KCNH6: variants seen among roughly 807,000 people sequenced by gnomAD.
The protein encoded by KCNH6 is potassium voltage-gated channel subfamily H member 6, also known as voltage-gated inwardly rectifying potassium channel KCNH6.
In KCNH6, 81 loss-of-function variants were observed where a neutral mutation model predicts 83.4. The observed-to-expected ratio is 0.97, with a 90% CI of 0.81 to 1.17. KCNH6 has a LOEUF of 1.17. Among genes scored for constraint, KCNH6 ranks in the 50% most tolerant of loss-of-function variants. The pLI, the probability that KCNH6 is intolerant of heterozygous loss-of-function variation, is 0.00. For synonymous variants in KCNH6, 503 were observed against 545.6 expected, an observed-to-expected ratio of 0.92 and a Z score of 1.09; for missense variants, 1,203 against 1,290.5, an observed-to-expected ratio of 0.93 and a Z score of 1.04.
At position 63,523,598 on chromosome 17, in the gene KCNH6, G is replaced by A. The variant is rs1394356648; in HGVS notation, c.76+109G>A. On this transcript the variant is annotated intron_variant, in intron 1 of 12. Coordinates refer to ENST00000314672, the MANE Select transcript of KCNH6 (RefSeq NM_001278919.2). The surrounding 1 kb of genome is among the most constrained non-coding windows in gnomAD (Gnocchi z 4.2). ...TAACCGGGCAAGGTGGTGAGTGCCG[G>A]GTGCTGAATGAAAAATCCTTCTTTT... 5.2e-5 allele frequency: 50 copies of A among 956,372 alleles called. 1 individual carries two copies. In the South Asian group the frequency reaches 5.4e-4, roughly 10 times the overall value. The allele number at this position is 956,372 out of a possible 1,614,324, so 59.2% of individuals were successfully genotyped here. A position where few individuals can be genotyped will look rare whatever the true frequency, so the allele number is the denominator to read the frequency against.
intron 2 of KCNH6, among the ~76,000 whole-genome samples, chr17:63,526,733 A>G (rs1338133256): frequency 2.0e-5 from 3 of 152,048 alleles, no homozygotes; most frequent in Non-Finnish European, 2.9e-5. Flanking sequence ...TAGCTGATTT[A>G]TGTATAATCC....
At chr17:63,540,968 C>T (rs191991783) in intron 8 of KCNH6, among the ~76,000 whole-genome samples, 1 of 152,216 alleles carries the variant, frequency 6.6e-6, no homozygotes, top group Non-Finnish European at 1.5e-5. Flanking sequence ...CTGTAAGCCC[C>T]CTCCTCTCTG....
Position 63,546,224 on chromosome 17 carries a change from AG to A in KCNH6, c.*323del, listed in dbSNP as rs2033140949. On this transcript the variant is annotated 3_prime_UTR_variant, in exon 13 of 13. Transcript: ENST00000314672. ...CACTGCACTCCAGCCTGGGTGACAG[AG>A]TGAGACTCCAACTCAAAAAAAAAAA... is the stretch of plus-strand genomic sequence containing the variant. 1 of 160,832 alleles carries A rather than the reference AG, an allele frequency of 6.2e-6. No individual in the cohort carries two copies. The allele number at this position is 160,832 out of a possible 1,614,324, so 10.0% of individuals were successfully genotyped here. A position where few individuals can be genotyped will look rare whatever the true frequency, so the allele number is the denominator to read the frequency against.
Position 63,545,112 on chromosome 17 carries a change from A to T in KCNH6, c.2431A>T (p.Ile811Phe). The change falls in exon 12 of 13, where the codon ATC becomes TTC. Residue 811 changes from isoleucine to phenylalanine, a missense_variant. Coordinates refer to ENST00000314672, the MANE Select transcript of KCNH6 (RefSeq NM_001278919.2). The part of the protein sequence containing the change: ...ESRVSSDLSR[I>F]LQLLQKPMPQ... ...CCGCGTGTCCTCAGACCTCAGCCGC[A>T]TCTTGCAGCTCCTCCAGAAGCCCAT... 6.2e-7 allele frequency: 1 copy of T among 1,613,692 alleles called. No individual in the cohort carries two copies. Among genetic ancestry groups the T allele is most frequent in the Non-Finnish European group, 8.5e-7 (1 of 1,180,006 alleles).
At chr17:63,530,048 C>A in intron 2 of KCNH6, 43 bp from the exon 3 acceptor site, 1 of 1,602,066 alleles carries the variant, frequency 6.2e-7, no homozygotes, top group Non-Finnish European at 8.5e-7. Context: ...CAGGAGGGGA[C>A]CCCTTCAGGG....
At chr17:63,544,170 G>C (rs765103295) in intron 10 of KCNH6, 79 bp from the exon 11 acceptor site, 1 of 1,601,768 alleles carries the variant, frequency 6.2e-7, no homozygotes, top group South Asian at 1.1e-5. Flanking sequence ...GGTAGGGGGT[G>C]GGGGACAGGC....
downstream of KCNH6, among the ~76,000 whole-genome samples, chr17:63,548,278 G>T (rs2033186256): frequency 6.6e-6 from 1 of 151,940 alleles, no homozygotes; most frequent in Non-Finnish European, 1.5e-5. Context: ...AAAAAAAGTA[G>T]GTCGGTCATG....
chr17:63,537,857 A>G (rs893466813), intron 6 of KCNH6, among the ~76,000 whole-genome samples: 5 of 152,234 alleles, frequency 3.3e-5, no homozygotes, highest in African/African-American at 1.2e-4. Flanking sequence ...GTAAGATGCC[A>G]AGAGGCACAG....
At chr17:63,547,993 C>A (rs2033181105), downstream of KCNH6, among the ~76,000 whole-genome samples, 1 of 150,112 alleles carries the variant, frequency 6.7e-6, no homozygotes, top group African/African-American at 2.5e-5. Context: ...TGGCTGGGCG[C>A]AGTGGCTCAC....
At chr17:63,536,132 G>A (rs922104550) in intron 6 of KCNH6, 64 bp downstream of exon 6, 11 of 1,429,754 alleles carry the variant, frequency 7.7e-6, no homozygotes, top group South Asian at 1.2e-5. Context: ...AATTTTATGT[G>A]TAGTTTTGTA....
chr17:63,542,263 A>G lies in KCNH6; in HGVS notation c.1977A>G (p.Glu659=). 1 of 1,613,842 alleles carries G rather than the reference A, an allele frequency of 6.2e-7. No homozygotes were observed. The highest frequency in any genetic ancestry group is 8.5e-7 in the Non-Finnish European group (1 of 1,179,910). ...AILGKNDIFG[E]PVSLHAQPGK... ...CAGGAAAGAATGACATCTTTGGGGA[A>G]CCCGTCAGCCTCCATGCCCAGCCAG... The change falls in exon 9 of 13, where the codon GAA becomes GAG. Residue 659 remains glutamate (E), a synonymous_variant. Coordinates refer to ENST00000314672, the MANE Select transcript of KCNH6 (RefSeq NM_001278919.2).
At chr17:63,539,550 C>G (rs1034850873) in intron 8 of KCNH6, among the ~76,000 whole-genome samples, 1 of 152,218 alleles carries the variant, frequency 6.6e-6, no homozygotes, top group Non-Finnish European at 1.5e-5. Context: ...CTCAATGTAT[C>G]CCAACCTGAA....
At chr17:63,526,502 G>A (rs995431814) in intron 2 of KCNH6, among the ~76,000 whole-genome samples, 5 of 150,992 alleles carry the variant, frequency 3.3e-5, no homozygotes, top group Admixed American at 2.0e-4. Flanking sequence ...GACTACAGGC[G>A]CGCACCCTCA....
chr17:63,534,196 A>G lies in KCNH6; in HGVS notation c.986A>G (p.Glu329Gly), dbSNP rs776617092. The G allele has an allele frequency of 1.9e-6, 3 of 1,613,738 alleles. No individual in the cohort carries two copies. Among genetic ancestry groups the G allele is most frequent in the Non-Finnish European group, 2.5e-6 (3 of 1,179,930 alleles). Residue 329 changes from glutamate to glycine, a missense_variant, in exon 5 of 13, where the codon GAG becomes GGG. By Grantham distance (98) the Glu-to-Gly change is moderately conservative. Transcript: ENST00000314672. This position sits in a 1 kb window ranked among gnomAD's most constrained non-coding sequence, Gnocchi z 5.0. ...FRTTYVNTND[E>G]VVSHPRRIAV... ...ACCACCTATGTCAACACCAATGATG[A>G]GGTGGTCAGCCACCCCCGCCGCATC...
chr17:63,543,679 C>T lies in KCNH6; in HGVS notation c.2233+19C>T, dbSNP rs1568088241. The T allele has an allele frequency of 6.6e-7, 1 of 1,518,858 alleles. No homozygotes were observed. The highest frequency in any genetic ancestry group is 9.1e-7 in the Non-Finnish European group (1 of 1,094,406). The allele number at this position is 1,518,858 out of a possible 1,614,324, so 94.1% of individuals were successfully genotyped here. A position where few individuals can be genotyped will look rare whatever the true frequency, so the allele number is the denominator to read the frequency against. ...CAGTCAGGTGAGCAAAGCCAGCCCC[C>T]ACCCCCACCAGCCTGTAGCCCCTGC... is the stretch of plus-strand genomic sequence containing the variant. On this transcript the variant is annotated intron_variant, in intron 10 of 12. Transcript: ENST00000314672.
chr17:63,541,352 G>A (rs1199498962), intron 8 of KCNH6, among the ~76,000 whole-genome samples: 1 of 143,416 alleles, frequency 7.0e-6, no homozygotes, highest in Admixed American at 7.4e-5. Flanking sequence ...ACAGTGGTGT[G>A]ATCTCAGCTC....
chr17:63,547,478 G>A (rs2033171587), downstream of KCNH6, among the ~76,000 whole-genome samples: 1 of 152,294 alleles, frequency 6.6e-6, no homozygotes, highest in South Asian at 2.1e-4. Context: ...AAATAGCAGC[G>A]ATTTGAGAGC....
At position 63,524,281 on chromosome 17, in the gene KCNH6, C is replaced by A. The variant is rs1253170497; in HGVS notation, c.219C>A (p.Asn73Lys). Residue 73 changes from asparagine to lysine, a missense_variant, in exon 2 of 13, where the codon AAC becomes AAA. By Grantham distance (94) the Asn-to-Lys change is moderately conservative. Transcript: ENST00000314672. The part of the protein sequence containing the change: ...PCTCDFLTGP[N>K]TPSSAVSRLA... ...CCTGCGACTTCCTCACAGGCCCCAA[C>A]ACACCAAGCAGCGCCGTGTCCCGCC... The A allele has an allele frequency of 6.2e-7, 1 of 1,613,950 alleles. No individual in the cohort carries two copies. The highest frequency in any genetic ancestry group is 2.2e-5 in the East Asian group (1 of 44,900).
Position 63,538,497 on chromosome 17 carries a change from G to C in KCNH6, c.1789G>C (p.Gly597Arg), listed in dbSNP as rs778046073. ...ALLQHCPAFS[G>R]AGKGCLRALA... is the part of the protein sequence containing the mutation. ...GCTGCAGCACTGCCCAGCTTTCAGC[G>C]GCGCCGGCAAGGGCTGCCTGCGCGC... Residue 597 changes from glycine to arginine, a missense_variant, in exon 8 of 13, where the codon GGC becomes CGC. Gly to Arg is a moderately radical substitution (Grantham distance 125). Coordinates refer to ENST00000314672, the MANE Select transcript of KCNH6 (RefSeq NM_001278919.2). The surrounding 1 kb of genome is among the most constrained non-coding windows in gnomAD (Gnocchi z 4.0). The C allele has an allele frequency of 1.9e-6, 3 of 1,602,396 alleles. No individual in the cohort carries two copies. Among genetic ancestry groups the C allele is most frequent in the Non-Finnish European group, 2.6e-6 (3 of 1,175,208 alleles).
Sources: gnomAD v4.1 joint callset for allele counts (sites outside exome capture counted in the v4.1 genomes callset) on GRCh38, gnomAD v4.1.1 for gene constraint, Gnocchi (gnomAD v3.1) non-coding constraint, MANE v1.5 for transcripts, NCBI Gene and HGNC (gene_info 2026-07-23, HGNC 2026-07-21) for gene names.